PCDH9: variants seen among roughly 807,000 people sequenced by gnomAD.
PCDH9 encodes the protein protocadherin-9.
PCDH9 carries 24 observed loss-of-function variants against 70.6 expected under a neutral mutation model. That is an observed-to-expected ratio of 0.34 (90% CI 0.25 to 0.48). PCDH9 has a LOEUF of 0.48. Ranked by LOEUF, PCDH9 falls within the 20% of genes least tolerant of loss-of-function variation. The pLI is 0.99. For missense variants in PCDH9, 1,281 were observed against 1,503.6 expected, an observed-to-expected ratio of 0.85 and a Z score of 2.45; for synonymous variants, 562 against 558.5, an observed-to-expected ratio of 1.01 and a Z score of -0.09.
chr13:66,332,411 C>T (rs1355101435), intron 4 of PCDH9, among the ~76,000 whole-genome samples: 1 of 152,094 alleles, frequency 6.6e-6, no homozygotes, highest in African/African-American at 2.4e-5. Context: ...ACAATCTACA[C>T]AGTTCTAATT....
intron 4 of PCDH9, among the ~76,000 whole-genome samples, chr13:66,592,839 T>C (rs117744021): frequency 6.6e-6 from 1 of 151,788 alleles, no homozygotes; most frequent in African/African-American, 2.4e-5. Context: ...AAGATTACTT[T>C]ACGTGAAAAT....
intron 4 of PCDH9, among the ~76,000 whole-genome samples, chr13:66,571,342 T>C (rs1457657550): frequency 6.6e-6 from 1 of 152,072 alleles, no homozygotes; most frequent in Non-Finnish European, 1.5e-5. Flanking sequence ...AAAATACCTG[T>C]AATTTGAAAA....
At chr13:66,437,607 T>C (rs553602598) in intron 4 of PCDH9, among the ~76,000 whole-genome samples, 5 of 152,170 alleles carry the variant, frequency 3.3e-5, no homozygotes, top group African/African-American at 9.6e-5. Flanking sequence ...ATAGTTTATA[T>C]ACCAACAGTA....
At chr13:67,072,079 T>G (rs1018566093) in intron 2 of PCDH9, among the ~76,000 whole-genome samples, 5 of 152,200 alleles carry the variant, frequency 3.3e-5, no homozygotes, top group South Asian at 2.1e-4. Flanking sequence ...CTGAGCAGAC[T>G]AGGAGTGACT....
chr13:66,628,929 A>G (rs2077534410), intron 4 of PCDH9, among the ~76,000 whole-genome samples: 1 of 151,278 alleles, frequency 6.6e-6, no homozygotes, highest in East Asian at 1.9e-4. Context: ...CCTTATAGCT[A>G]TTAAATTTGA....
At chr13:66,935,155 G>T (rs1365222115) in intron 2 of PCDH9, among the ~76,000 whole-genome samples, 1 of 151,982 alleles carries the variant, frequency 6.6e-6, no homozygotes, top group African/African-American at 2.4e-5. Flanking sequence ...CGACACCCGG[G>T]GCTCAAGCAT....
intron 2 of PCDH9, among the ~76,000 whole-genome samples, chr13:67,035,163 TGACCAAGG>T (rs1488125173): frequency 6.6e-6 from 1 of 152,168 alleles, no homozygotes; most frequent in African/African-American, 2.4e-5. Context: ...ATAGATCTTT[TGACCAAGG>T]GTACACCACA....
intron 3 of PCDH9, among the ~76,000 whole-genome samples, chr13:66,838,671 T>C (rs2081065441): frequency 6.6e-6 from 1 of 152,066 alleles, no homozygotes; most frequent in African/African-American, 2.4e-5. Flanking sequence ...AATATTACAG[T>C]CGAAATAAAA....
chr13:66,392,456 C>T (rs1390574253), intron 4 of PCDH9, among the ~76,000 whole-genome samples: 2 of 152,126 alleles, frequency 1.3e-5, no homozygotes, highest in African/African-American at 4.8e-5. Context: ...TTCCACCACT[C>T]ATTGAATTAA....
At chr13:66,694,797 T>C (rs2078536377) in intron 3 of PCDH9, among the ~76,000 whole-genome samples, 1 of 152,108 alleles carries the variant, frequency 6.6e-6, no homozygotes, top group South Asian at 2.1e-4. Context: ...TGTTTGCATA[T>C]TCAGAAACTT....
intron 2 of PCDH9, among the ~76,000 whole-genome samples, chr13:67,099,672 C>T (rs2086392366): frequency 1.3e-5 from 2 of 152,230 alleles, no homozygotes; most frequent in South Asian, 4.1e-4. Flanking sequence ...GTGAAGGGCC[C>T]CATGGAGAAC....
chr13:66,539,193 A>C (rs542622879), intron 4 of PCDH9, among the ~76,000 whole-genome samples: 1 of 152,204 alleles, frequency 6.6e-6, no homozygotes, highest in African/African-American at 2.4e-5. Context: ...GTTTACATCC[A>C]CTACCTTCAC....
intron 4 of PCDH9, among the ~76,000 whole-genome samples, chr13:66,345,429 G>A (rs1395254220): frequency 6.6e-6 from 1 of 152,016 alleles, no homozygotes; most frequent in African/African-American, 2.4e-5. Context: ...TTTAAACCAA[G>A]TCCTGTCCCT....
chr13:66,531,669 A>T (rs1330745016), intron 4 of PCDH9, among the ~76,000 whole-genome samples: 6 of 152,140 alleles, frequency 3.9e-5, no homozygotes, highest in Non-Finnish European at 8.8e-5. Flanking sequence ...TCCATTCTCT[A>T]AATACTTAAA....
chr13:66,966,562 G>A lies in PCDH9; in HGVS notation c.3037-62957C>T, dbSNP rs113994825. On this transcript the variant is annotated intron_variant, in intron 2 of 4. Transcript: ENST00000377865. ...TATATTTCCTAGAAAGAGTAGAAGT[G>A]ACAAGAAAAGCAGTTTTAGCAAAAA... Among the ~76,000 whole-genome samples, 299 of 152,180 alleles carry A rather than the reference G, an allele frequency of 2.0e-3. 2 individuals are homozygous for A. Among genetic ancestry groups the A allele is most frequent in the African/African-American group, 6.5e-3 (272 of 41,548 alleles).
intron 4 of PCDH9, among the ~76,000 whole-genome samples, chr13:66,329,572 C>A (rs1291731072): frequency 6.6e-6 from 1 of 152,094 alleles, no homozygotes; most frequent in Non-Finnish European, 1.5e-5. Context: ...TGATGAAGAA[C>A]AATATGGCTC....
intron 3 of PCDH9, among the ~76,000 whole-genome samples, chr13:66,758,102 A>G (rs1038793307): frequency 6.6e-6 from 1 of 152,120 alleles, no homozygotes; most frequent in Non-Finnish European, 1.5e-5. Flanking sequence ...ATAAAATTGT[A>G]TATATTTATT....
chr13:67,216,250 T>C (rs1260350015), intron 2 of PCDH9: 4 of 152,110 alleles, frequency 2.6e-5, no homozygotes, highest in African/African-American at 9.7e-5. Flanking sequence ...AATCAATCAA[T>C]GAATTCAACA....
chr13:66,330,225 A>C (rs901240742), intron 4 of PCDH9, among the ~76,000 whole-genome samples: 1 of 152,230 alleles, frequency 6.6e-6, no homozygotes, highest in Non-Finnish European at 1.5e-5. Flanking sequence ...CCTCTGGTCC[A>C]ATAGCCTGGC....
Sources: gnomAD v4.1 joint callset for allele counts (sites outside exome capture counted in the v4.1 genomes callset) on GRCh38, gnomAD v4.1.1 for gene constraint, MANE v1.5 for transcripts, NCBI Gene and HGNC (gene_info 2026-07-23, HGNC 2026-07-21) for gene names.